The following TEAD3 variants were observed in gnomAD, a reference collection of about 807,000 sequenced individuals.
TEAD3 encodes the protein TEA domain transcription factor 3.
A neutral mutation model predicts 55.6 loss-of-function variants in TEAD3; 15 were observed. The observed-to-expected ratio is 0.27, with a 90% CI of 0.18 to 0.42. TEAD3 has a LOEUF of 0.42. TEAD3 is among the 10% of genes least tolerant of loss of function. The pLI, the probability that TEAD3 is intolerant of heterozygous loss-of-function variation, is 1.00. For missense variants in TEAD3, 407 were observed against 576.8 expected (o/e 0.71, Z 3.01); for synonymous variants, 210 against 232.2 (o/e 0.90, Z 0.87).
chr6:35,479,976 C>T, intron 4 of TEAD3: 1 of 1,251,270 alleles, frequency 8.0e-7, no homozygotes, highest in Non-Finnish European at 1.1e-6. Flanking sequence ...CCTTGCCTGT[C>T]CCAGGCTGGA....
At position 35,486,384 on chromosome 6, in the gene TEAD3, GT is replaced by G. The variant is rs2150914930; in HGVS notation, c.202+76del. ...CGGCCAGCGGCTGGCGGCCTCCGAC[GT>G]CACCAAACCGGTTGGGTGAGAGGGC... On this transcript the variant is annotated intron_variant, in intron 2 of 12. Transcript: ENST00000639578. This position sits in a 1 kb window ranked among gnomAD's most constrained non-coding sequence, Gnocchi z 7.3. The G allele has an allele frequency of 6.7e-7, 1 of 1,503,338 alleles. No individual in the cohort carries two copies. Among genetic ancestry groups the G allele is most frequent in the South Asian group, 1.3e-5 (1 of 77,582 alleles). 93.1% of individuals were successfully genotyped at this position (1,503,338 alleles called of 1,614,324 possible). A position where few individuals can be genotyped will look rare whatever the true frequency, so the allele number is the denominator to read the frequency against.
rs1451744217 is a variant in TEAD3, at chr6:35,491,631, G to T, written c.-49-4920C>A. ...CCTGTTGTACCTGTCCTGCAAACCC[G>T]CCAGCAGGCTGCAGACCCCCAGGGG... On this transcript the variant is annotated intron_variant, in intron 1 of 12. Coordinates refer to ENST00000639578, the Ensembl canonical transcript of TEAD3. This position sits in a 1 kb window ranked among gnomAD's most constrained non-coding sequence, Gnocchi z 4.4. 6.6e-6 allele frequency among the ~76,000 whole-genome samples: 1 copy of T among 152,156 alleles called. No homozygotes were observed. The highest frequency in any genetic ancestry group is 1.5e-5 in the Non-Finnish European group (1 of 68,012).
At chr6:35,482,640 G>A (rs1240513735) in intron 3 of TEAD3, among the ~76,000 whole-genome samples, 1 of 152,160 alleles carries the variant, frequency 6.6e-6, no homozygotes, top group Admixed American at 6.6e-5. Flanking sequence ...GGCTGGATGT[G>A]GTGGCTCGTG....
At chr6:35,479,273 C>G in intron 5 of TEAD3, 32 bp downstream of exon 5, 1 of 1,612,974 alleles carries the variant, frequency 6.2e-7, no homozygotes, top group Non-Finnish European at 8.5e-7. Context: ...ACCCTTTCCC[C>G]CACTCCCACT....
intron 5 of TEAD3, among the ~76,000 whole-genome samples, chr6:35,478,877 C>CTT (rs67071124): frequency 3.7e-4 from 39 of 106,718 alleles, no homozygotes; most frequent in South Asian, 8.8e-4. Context: ...CTCCTATTTT[C>CTT]TTTTTTTTTT....
Position 35,485,841 on chromosome 6 carries a change from G to C in TEAD3, c.202+620C>G, listed in dbSNP as rs968140894. On this transcript the variant is annotated intron_variant, in intron 2 of 12. Transcript: ENST00000639578. This position sits in a 1 kb window ranked among gnomAD's most constrained non-coding sequence, Gnocchi z 4.3. ...CTGGGAGGAATAGGGGAGCTGGCCA[G>C]GAACCAGGCCCAGAAGGGTCGAGTT... Among the ~76,000 whole-genome samples, 5 of 152,162 alleles carry C rather than the reference G, an allele frequency of 3.3e-5. No individual in the cohort carries two copies. Among genetic ancestry groups the C allele is most frequent in the African/African-American group, 1.2e-4 (5 of 41,452 alleles).
chr6:35,489,942 T>C (rs939612341), intron 1 of TEAD3, among the ~76,000 whole-genome samples: 16 of 151,786 alleles, frequency 1.1e-4, no homozygotes, highest in African/African-American at 3.6e-4. Context: ...GCTAGCTGGG[T>C]GGGGGCACCT....
rs566996262 is a variant in TEAD3 at position 35,483,293 on chromosome 6, C to A, written c.267+1267G>T. On this transcript the variant is annotated intron_variant, in intron 3 of 12. Coordinates refer to ENST00000639578, the Ensembl canonical transcript of TEAD3. This position sits in a 1 kb window ranked among gnomAD's most constrained non-coding sequence, Gnocchi z 4.5. Reference sequence around the variant, plus strand: ...TGAGAAAGAGGTGGAACAGGCCAGACTTGACATATGCACCATGGGGATCTG... The same window carrying A: ...TGAGAAAGAGGTGGAACAGGCCAGAATTGACATATGCACCATGGGGATCTG... Among the ~76,000 whole-genome samples the A allele has an allele frequency of 6.6e-6, 1 of 152,294 alleles. No homozygotes were observed. The highest frequency in any genetic ancestry group is 3.4e-3 in the Middle Eastern group (1 of 294).
Position 35,486,309 on chromosome 6 carries a change from G to A in TEAD3, c.202+152C>T, listed in dbSNP as rs1015320714. Among the ~76,000 whole-genome samples the A allele has an allele frequency of 2.0e-5, 3 of 152,244 alleles. No individual in the cohort carries two copies. The highest frequency in any genetic ancestry group is 4.4e-5 in the Non-Finnish European group (3 of 68,050). ...GGCGAGCCCGGCTTGTTTATGAGGA[G>A]GAGCGCGGAGGAGGATCCAGACACA... is the stretch of plus-strand genomic sequence containing the variant. On this transcript the variant is annotated intron_variant, in intron 2 of 12. Transcript: ENST00000639578. This position sits in a 1 kb window ranked among gnomAD's most constrained non-coding sequence, Gnocchi z 7.3.
rs965754132 is a variant in TEAD3 at position 35,484,387 on chromosome 6, G to C, written c.267+173C>G. Among the ~76,000 whole-genome samples, 1 of 152,096 alleles carries C rather than the reference G, an allele frequency of 6.6e-6. No homozygotes were observed. The highest frequency in any genetic ancestry group is 2.4e-5 in the African/African-American group (1 of 41,404). ...TGGGAAGGGTGAATGGAGCTGCTTG[G>C]GGGTGGGAGGGTGTAAAATCGAGGG... On this transcript the variant is annotated intron_variant, in intron 3 of 12. Transcript: ENST00000639578. This position sits in a 1 kb window ranked among gnomAD's most constrained non-coding sequence, Gnocchi z 5.8.
chr6:35,489,631 C>T (rs1440203465), intron 1 of TEAD3, among the ~76,000 whole-genome samples: 10 of 152,170 alleles, frequency 6.6e-5, no homozygotes, highest in Non-Finnish European at 1.2e-4. Flanking sequence ...GCCAGATGCC[C>T]TCATTCCCAG....
intron 4 of TEAD3, 132 bp from the exon 5 acceptor site, chr6:35,479,448 G>C: frequency 1.8e-6 from 2 of 1,142,218 alleles, no homozygotes; most frequent in Non-Finnish European, 2.6e-6. Flanking sequence ...AGGAAGCTCA[G>C]CAGACCCTCC....
In TEAD3 at chr6:35,491,201, T is replaced by C. The variant is rs910495917; in HGVS notation, c.-49-4490A>G. ...GTGAAGGGAGAGACCCCAGGAGAGA[T>C]GTGGAGGCAGGGCGGGGGAGTGCTG... is the stretch of plus-strand genomic sequence containing the variant. On this transcript the variant is annotated intron_variant, in intron 1 of 12. Coordinates refer to ENST00000639578, the Ensembl canonical transcript of TEAD3. The surrounding 1 kb of genome is among the most constrained non-coding windows in gnomAD (Gnocchi z 4.4). Among the ~76,000 whole-genome samples, 1 of 141,326 alleles carries C rather than the reference T, an allele frequency of 7.1e-6. No individual in the cohort carries two copies. Among genetic ancestry groups the C allele is most frequent in the Admixed American group, 7.2e-5 (1 of 13,938 alleles). The allele number at this position is 141,326 out of a possible 152,430, so 92.7% of individuals were successfully genotyped here.
rs778892162 is a variant in TEAD3, at chr6:35,475,331, C to G, written c.1194+5G>C. 1.2e-5 allele frequency: 20 copies of G among 1,612,818 alleles called. No homozygotes were observed. The East Asian group carries it at 4.0e-4, about 32-fold the overall frequency. ...GACTCCCCACGACCCCTGCTGCCCC[C>G]ATACCTGCAGGATGGTGAAGTTCTC... On this transcript the variant is annotated splice_donor_5th_base_variant and intron_variant, in intron 12 of 12. Coordinates refer to ENST00000639578, the Ensembl canonical transcript of TEAD3. This position sits in a 1 kb window ranked among gnomAD's most constrained non-coding sequence, Gnocchi z 5.4.
At chr6:35,480,801 T>C (rs1295026221) in intron 3 of TEAD3, among the ~76,000 whole-genome samples, 1 of 152,202 alleles carries the variant, frequency 6.6e-6, no homozygotes, top group Non-Finnish European at 1.5e-5. Flanking sequence ...TATGTGTCCT[T>C]GTACAAGGCT....
At chr6:35,479,983 T>C in intron 4 of TEAD3, 1 of 1,291,946 alleles carries the variant, frequency 7.7e-7, no homozygotes, top group Non-Finnish European at 1.1e-6. Flanking sequence ...TGTCCCAGGC[T>C]GGAGCCACAG....
chr6:35,475,852 G>A lies in TEAD3; in HGVS notation c.900+67C>T. ...CAGCAGGGTCAGAGGTCAATGCAGTGGGCCTGGATGTTGCACCTCTGGGGT... is the reference window on the plus strand; with the variant it reads ...CAGCAGGGTCAGAGGTCAATGCAGTAGGCCTGGATGTTGCACCTCTGGGGT... On this transcript the variant is annotated intron_variant, in intron 10 of 12. Coordinates refer to ENST00000639578, the Ensembl canonical transcript of TEAD3. The surrounding 1 kb of genome is among the most constrained non-coding windows in gnomAD (Gnocchi z 5.4). 1 of 1,496,792 alleles carries A rather than the reference G, an allele frequency of 6.7e-7. No individual in the cohort carries two copies. The allele number at this position is 1,496,792 out of a possible 1,614,324, so 92.7% of individuals were successfully genotyped here.
chr6:35,482,200 G>T (rs1157284879), intron 3 of TEAD3, among the ~76,000 whole-genome samples: 3 of 152,090 alleles, frequency 2.0e-5, no homozygotes, highest in Non-Finnish European at 4.4e-5. Flanking sequence ...TGACCAGGCT[G>T]GTCTCAAACT....
intron 3 of TEAD3, 117 bp downstream of exon 4, chr6:35,480,195 A>T: frequency 6.4e-7 from 1 of 1,553,844 alleles, no homozygotes; most frequent in Non-Finnish European, 8.7e-7. Context: ...CTTCAGCCAG[A>T]AAAGAGGCAC....
Sources: allele counts gnomAD v4.1 joint callset (sites outside exome capture counted in the v4.1 genomes callset), GRCh38; gene constraint gnomAD v4.1.1; non-coding constraint Gnocchi (gnomAD v3.1); transcripts MANE v1.5; gene names NCBI Gene and HGNC (gene_info 2026-07-23, HGNC 2026-07-21).